The following MYH3 variants were observed in gnomAD, a reference collection of about 807,000 sequenced individuals.
The protein encoded by MYH3 is myosin heavy chain 3.
In MYH3, 130 loss-of-function variants were observed where a neutral mutation model predicts 238.0. The observed-to-expected ratio is 0.55, with a 90% CI of 0.47 to 0.63. MYH3 has a LOEUF of 0.63. Ranked by LOEUF, MYH3 falls within the 30% of genes least tolerant of loss-of-function variation. MYH3 has a pLI of 0.00. For missense variants in MYH3, 1,853 were observed against 2,374.9 expected (o/e 0.78, Z 4.57); for synonymous variants, 880 against 924.1 (o/e 0.95, Z 0.86).
At position 10,638,388 on chromosome 17, in the gene MYH3, G is replaced by A. The variant is rs755477111; in HGVS notation, c.3384C>T (p.Ala1128=). The part of the protein sequence containing the change: ...ELEEEIEAER[A]TRAKTEKQRS... ...GCTGTTTCTCTGTCTTCGCGCGGGT[G>A]GCCCTCTCCGCCTCTATCTCCTCTT... Residue 1128 remains alanine (A), a synonymous_variant, in exon 27 of 41, where the codon GCC becomes GCT. Coordinates refer to ENST00000583535, the MANE Select transcript of MYH3 (RefSeq NM_002470.4). The A allele has an allele frequency of 1.2e-5, 19 of 1,601,942 alleles. No homozygotes were observed. Among genetic ancestry groups the A allele is most frequent in the Non-Finnish European group, 8.5e-7 (1 of 1,179,896 alleles).
chr17:10,671,572 ATTTTTTTT>A, the MYH3 span, among the ~76,000 whole-genome samples: 1 of 82,308 alleles, frequency 1.2e-5, no homozygotes, highest in Non-Finnish European at 2.3e-5. Flanking sequence ...TCTCAGGGTC[ATTTTTTTT>A]TTTTTTTTTT....
In MYH3 at chr17:10,638,084, C is replaced by T. The variant is rs757191850; in HGVS notation, c.3688G>A (p.Asp1230Asn). The T allele has an allele frequency of 4.8e-5, 77 of 1,613,726 alleles. No homozygotes were observed. Among genetic ancestry groups the T allele is most frequent in the Non-Finnish European group, 5.8e-5 (69 of 1,179,986 alleles). ...KEKSEFKLEIDDLSSSMESVS... is the reference protein window; with the variant it reads ...KEKSEFKLEINDLSSSMESVS... ...CTCTCCATGCTGCTGGAGAGGTCATCGATCTCCAGCTTGAACTCGCTCTTC... is the reference window on the plus strand; with the variant it reads ...CTCTCCATGCTGCTGGAGAGGTCATTGATCTCCAGCTTGAACTCGCTCTTC... Residue 1230 changes from aspartate to asparagine, a missense_variant, in exon 27 of 41, where the codon GAT (aspartate) becomes AAT (asparagine). Asp to Asn is a conservative substitution (Grantham distance 23, BLOSUM62 1). Transcript: ENST00000583535.
chr17:10,661,010 C>A (rs974526884), upstream of MYH3, among the ~76,000 whole-genome samples: 1 of 150,142 alleles, frequency 6.7e-6, no homozygotes, highest in African/African-American at 2.4e-5. Context: ...GAGTTTCACT[C>A]TTGTTGCCCA....
In MYH3 at chr17:10,634,197, G is replaced by C; in HGVS notation, c.4357-15C>G. The C allele has an allele frequency of 1.9e-6, 3 of 1,614,060 alleles. No homozygotes were observed. The highest frequency in any genetic ancestry group is 2.5e-6 in the Non-Finnish European group (3 of 1,180,004). Reference sequence around the variant, plus strand: ...TCTGCCAACACCTGAAACACCGGACGGAAGTTCTCTCCGTTTCTGAGCTCT... The same window carrying C: ...TCTGCCAACACCTGAAACACCGGACCGAAGTTCTCTCCGTTTCTGAGCTCT... On this transcript the variant is annotated splice_polypyrimidine_tract_variant and intron_variant, in intron 31 of 40. Transcript: ENST00000583535.
chr17:10,657,925 C>A (rs76898717), upstream of MYH3, among the ~76,000 whole-genome samples: 3 of 152,084 alleles, frequency 2.0e-5, no homozygotes, highest in African/African-American at 4.8e-5. Context: ...TCCTATGCAA[C>A]GTTCTGTCTC....
At chr17:10,643,552 T>A (rs2074293035) in intron 14 of MYH3, among the ~76,000 whole-genome samples, 1 of 152,008 alleles carries the variant, frequency 6.6e-6, no homozygotes, top group African/African-American at 2.4e-5. Flanking sequence ...ATTTTTGTAT[T>A]TTTAGTAGAG....
Position 10,630,094 on chromosome 17 carries a change from G to C in MYH3, c.5560C>G (p.Gln1854Glu). The C allele has an allele frequency of 6.2e-7, 1 of 1,613,742 alleles. No individual in the cohort carries two copies. The highest frequency in any genetic ancestry group is 8.5e-7 in the Non-Finnish European group (1 of 1,179,630). Residue 1854 changes from glutamine (Q) to glutamate (E), a missense_variant and splice_region_variant, in exon 38 of 41, where the codon CAG becomes GAG. By Grantham distance (29) the Gln-to-Glu change is conservative (BLOSUM62 2). Around this residue, in one of 3 missense-constraint regions of MYH3, gnomAD observed 1,044 missense variants for 1,192.6 expected, o/e 0.88. Transcript: ENST00000583535. ...CATGGCGTTTGCGTTCCACTTACCT[G>C]GTACGTCAGCTCCTTGACCCTCCGC... is the stretch of plus-strand genomic sequence containing the variant. ...YERRVKELTY[Q>E]SEEDRKNVLR... is the part of the protein sequence containing the mutation.
At chr17:10,672,186 G>A in the MYH3 span, among the ~76,000 whole-genome samples, 1 of 152,172 alleles carries the variant, frequency 6.6e-6, no homozygotes, top group East Asian at 1.9e-4. Context: ...AACCTAACTT[G>A]TTTCATTTCA....
rs34881167 is a variant in MYH3, at chr17:10,654,161, CT to C, written c.204+699del. Among the ~76,000 whole-genome samples, 93,174 of 148,042 alleles carry C rather than the reference CT, an allele frequency of 0.63. 31,131 individuals are homozygous for C. The highest frequency in any genetic ancestry group is 0.77 in the Non-Finnish European group (51,679 of 67,272). On this transcript the variant is annotated intron_variant, in intron 3 of 40. Transcript: ENST00000583535. This position sits in a 1 kb window ranked among gnomAD's most constrained non-coding sequence, Gnocchi z 4.5. ...TTTCTTTCTTTCTTTCTCTTTCTTTCTTTCCTTCCTTCCTTGCTTTCTTTCT... is the reference window on the plus strand; with the variant it reads ...TTTCTTTCTTTCTTTCTCTTTCTTTCTTCCTTCCTTCCTTGCTTTCTTTCT...
upstream of MYH3, among the ~76,000 whole-genome samples, chr17:10,662,027 T>TC (rs944825286): frequency 6.6e-6 from 1 of 151,496 alleles, no homozygotes; most frequent in African/African-American, 2.4e-5. Flanking sequence ...TTTCTTTCTT[T>TC]CTTTTTTTTT....
At chr17:10,655,747 G>C (rs2074422758) in intron 2 of MYH3, among the ~76,000 whole-genome samples, 1 of 152,058 alleles carries the variant, frequency 6.6e-6, no homozygotes, top group African/African-American at 2.4e-5. Context: ...TGCCTCCCAG[G>C]TTCAAGCGAT....
intron 7 of MYH3, 80 bp from the exon 8 acceptor site, chr17:10,648,729 G>T: frequency 8.1e-7 from 1 of 1,230,646 alleles, no homozygotes; most frequent in Non-Finnish European, 1.2e-6. Flanking sequence ...AGGCTGCAGT[G>T]CAATGGCACG....
At chr17:10,673,892 TTAAA>T in the MYH3 span, 2 of 152,320 alleles carry the variant, frequency 1.3e-5, no homozygotes, top group East Asian at 3.9e-4. Flanking sequence ...AGTGGGGCAA[TTAAA>T]TAATTATCAG....
upstream of MYH3, among the ~76,000 whole-genome samples, chr17:10,659,508 T>C (rs1211754899): frequency 1.3e-5 from 2 of 152,226 alleles, no homozygotes; most frequent in East Asian, 3.9e-4. Context: ...TTCAGTAATA[T>C]AGACATCACT....
intron 12 of MYH3, 122 bp downstream of exon 12, chr17:10,645,585 A>G (rs1223566085): frequency 1.6e-6 from 2 of 1,289,140 alleles, no homozygotes; most frequent in Non-Finnish European, 2.2e-6. Context: ...AGCCTCCCAA[A>G]GTGCTGGGAT....
rs1348894326 is a variant in MYH3, at chr17:10,640,220, G to A, written c.2458C>T (p.Arg820Cys). 2 of 1,614,060 alleles carry A rather than the reference G, an allele frequency of 1.2e-6. No homozygotes were observed. The highest frequency in any genetic ancestry group is 8.5e-7 in the Non-Finnish European group (1 of 1,180,044). ...CAGTGCTTGACGTTCATGAATGAGCGAATGTTGTACTGGATGCAGAAGATG... is the reference window on the plus strand; with the variant it reads ...CAGTGCTTGACGTTCATGAATGAGCAAATGTTGTACTGGATGCAGAAGATG... ...ESIFCIQYNI[R>C]SFMNVKHWPW... Residue 820 changes from arginine to cysteine, a missense_variant, in exon 22 of 41, where the codon CGC becomes TGC. By Grantham distance (180) the Arg-to-Cys change is radical (BLOSUM62 -3). This residue lies in a region of MYH3 where 678 missense variants were observed against 1,058.9 expected (regional missense o/e 0.64). Transcript: ENST00000583535.
chr17:10,668,144 T>C, the MYH3 span, among the ~76,000 whole-genome samples: 2 of 152,150 alleles, frequency 1.3e-5, no homozygotes, highest in African/African-American at 4.8e-5. Flanking sequence ...CCTATAATCC[T>C]AGCACTTTGG....
chr17:10,645,619 G>T, intron 12 of MYH3, 88 bp downstream of exon 12: 1 of 1,540,182 alleles, frequency 6.5e-7, no homozygotes, highest in Non-Finnish European at 8.9e-7. Context: ...CACTGTGCCT[G>T]GCTGGATTAA....
chr17:10,668,597 CTG>C, the MYH3 span, among the ~76,000 whole-genome samples: 2 of 152,120 alleles, frequency 1.3e-5, no homozygotes, highest in Non-Finnish European at 1.5e-5. Context: ...TGAACATAAA[CTG>C]GATATGAAAT....
Sources: gnomAD v4.1 joint callset for allele counts (sites outside exome capture counted in the v4.1 genomes callset) on GRCh38, gnomAD v4.1.1 for gene constraint, gnomAD v4.1.1 regional missense constraint, Gnocchi (gnomAD v3.1) non-coding constraint, MANE v1.5 for transcripts, NCBI Gene and HGNC (gene_info 2026-07-23, HGNC 2026-07-21) for gene names.